PRRC2C: variants seen among roughly 807,000 people sequenced by gnomAD.
PRRC2C encodes proline rich coiled-coil 2C.
A neutral mutation model predicts 317.2 loss-of-function variants in PRRC2C; 72 were observed. The ratio of observed to expected loss-of-function variants is 0.23; its 90% CI spans 0.19 to 0.28. PRRC2C has a LOEUF of 0.28. Among genes scored for constraint, PRRC2C ranks in the 10% least tolerant of loss-of-function variants. PRRC2C has a pLI of 1.00. For missense variants in PRRC2C, 3,074 were observed against 3,459.7 expected (o/e 0.89, Z 2.80); for synonymous variants, 1,296 against 1,205.9 (o/e 1.07, Z -1.55).
rs142318394 is a variant in PRRC2C at position 171,541,886 on chromosome 1, C to G, written c.4420C>G (p.Leu1474Val). 320 of 1,613,712 alleles carry G rather than the reference C, an allele frequency of 2.0e-4. No individual in the cohort carries two copies. The highest frequency in any genetic ancestry group is 2.4e-4 in the Non-Finnish European group (283 of 1,179,806). The change falls in exon 16 of 35, where the codon CTT (leucine) becomes GTT (valine). Residue 1474 changes from leucine (L) to valine (V), a missense_variant. Physicochemically the swap from Leu to Val is conservative, Grantham distance 32. Coordinates refer to ENST00000647382, the MANE Select transcript of PRRC2C (RefSeq NM_001387844.1). The surrounding 1 kb of genome is among the most constrained non-coding windows in gnomAD (Gnocchi z 4.1). Reference sequence around the variant, plus strand: ...TGTGGCTCAAGAACCAGTTAATACTCTTGGGGATATTTCCGGGAATAAGAC... The same window carrying G: ...TGTGGCTCAAGAACCAGTTAATACTGTTGGGGATATTTCCGGGAATAAGAC... ...NNVAQEPVNT[L>V]GDISGNKTPD...
At chr1:171,537,174 TTAATA>T in intron 14 of PRRC2C, 84 bp from the exon 15 acceptor site, 2 of 1,006,646 alleles carry the variant, frequency 2.0e-6, no homozygotes. Context: ...CACCTAACAA[TTAATA>T]ACCTGTATTC....
intron 6 of PRRC2C, 139 bp downstream of exon 6, chr1:171,517,953 TG>T (rs80115932): frequency 0.49 from 335,221 of 686,400 alleles, 85,944 homozygotes; most frequent in East Asian, 0.65. Context: ...TTTTATTGTA[TG>T]GTATATTGTG....
At chr1:171,514,195 T>C (rs766029995) in intron 3 of PRRC2C, among the ~76,000 whole-genome samples, 2 of 152,168 alleles carry the variant, frequency 1.3e-5, no homozygotes, top group African/African-American at 2.4e-5. Context: ...CTGCTATTTT[T>C]AATTATAAGT....
At chr1:171,552,922 C>T (rs1680581354) in intron 18 of PRRC2C, among the ~76,000 whole-genome samples, 1 of 152,008 alleles carries the variant, frequency 6.6e-6, no homozygotes, top group African/African-American at 2.4e-5. Context: ...GTCTAAAATT[C>T]TCTATTTTCA....
chr1:171,499,165 A>T (rs1214115138), intron 1 of PRRC2C, among the ~76,000 whole-genome samples: 3 of 151,934 alleles, frequency 2.0e-5, no homozygotes, highest in Non-Finnish European at 4.4e-5. Flanking sequence ...ACATTCTCCC[A>T]TTTGCTTTTC....
Position 171,540,753 on chromosome 1 carries a change from C to G in PRRC2C, c.3287C>G (p.Thr1096Ser), listed in dbSNP as rs747853338. Residue 1096 changes from threonine (T) to serine (S), a missense_variant, in exon 16 of 35, where the codon ACT becomes AGT. Physicochemically the swap from Thr to Ser is moderately conservative, Grantham distance 58. Coordinates refer to ENST00000647382, the MANE Select transcript of PRRC2C (RefSeq NM_001387844.1). ...AAATTTCCTTCAACAGAAACTGCAA[C>G]TTTGGCTCAAAAACCATCTCAGGAT... Reference protein sequence around the residue: ...AEKFPSTETATLAQKPSQDTE... With the variant: ...AEKFPSTETASLAQKPSQDTE... 21 of 1,613,868 alleles carry G rather than the reference C, an allele frequency of 1.3e-5. No homozygotes were observed. Among genetic ancestry groups the G allele is most frequent in the Non-Finnish European group, 7.6e-6 (9 of 1,179,894 alleles).
intron 1 of PRRC2C, among the ~76,000 whole-genome samples, chr1:171,498,056 A>C (rs969765241): frequency 6.7e-6 from 1 of 148,416 alleles, no homozygotes; most frequent in South Asian, 2.1e-4. Context: ...TGAACTCCTG[A>C]GCTCAAGCCA....
intron 1 of PRRC2C, among the ~76,000 whole-genome samples, chr1:171,506,527 C>T (rs1020041176): frequency 6.6e-6 from 1 of 150,746 alleles, no homozygotes; most frequent in East Asian, 1.9e-4. Context: ...TTCACTTTCT[C>T]AAGCCCCTCT....
In PRRC2C at chr1:171,577,516, T is replaced by A; in HGVS notation, c.7038T>A (p.Pro2346=). ...SDPPNICKVK[P]QQLQTSSLPS... ...CTCCAAATATTTGTAAAGTGAAACC[T>A]CAGCAGTTACAGACAAGCAGCCTGC... Residue 2346 remains proline, a synonymous_variant, in exon 26 of 35, where the codon CCT becomes CCA. Coordinates refer to ENST00000647382, the MANE Select transcript of PRRC2C (RefSeq NM_001387844.1). 1 of 1,613,180 alleles carries A rather than the reference T, an allele frequency of 6.2e-7. No homozygotes were observed. Among genetic ancestry groups the A allele is most frequent in the African/African-American group, 1.3e-5 (1 of 75,024 alleles).
intron 28 of PRRC2C, 44 bp downstream of exon 28, chr1:171,580,008 T>G: frequency 7.1e-7 from 1 of 1,409,560 alleles, no homozygotes; most frequent in African/African-American, 1.5e-5. Flanking sequence ...TTGAAAACAT[T>G]GTAACTGCTG....
intron 1 of PRRC2C, among the ~76,000 whole-genome samples, chr1:171,487,083 G>A (rs1666262695): frequency 6.6e-6 from 1 of 152,152 alleles, no homozygotes; most frequent in Non-Finnish European, 1.5e-5. Flanking sequence ...TTAAGTGATT[G>A]TGTTTGCTCT....
intron 1 of PRRC2C, among the ~76,000 whole-genome samples, chr1:171,500,799 ACTT>A (rs1295734106): frequency 3.3e-5 from 5 of 152,054 alleles, no homozygotes; most frequent in South Asian, 2.1e-4. Context: ...TTCCTCCTAA[ACTT>A]CTTCTTTCAT....
chr1:171,585,252 A>T (rs932882136), intron 30 of PRRC2C, among the ~76,000 whole-genome samples: 2 of 152,184 alleles, frequency 1.3e-5, no homozygotes, highest in African/African-American at 4.8e-5. Context: ...TGCTAGGGAG[A>T]AGCCTCCCAA....
chr1:171,529,273 C>G (rs1413552602), intron 11 of PRRC2C, among the ~76,000 whole-genome samples: 2 of 152,106 alleles, frequency 1.3e-5, no homozygotes, highest in Non-Finnish European at 2.9e-5. Flanking sequence ...TGATGGCATT[C>G]AAATGTACAT....
intron 1 of PRRC2C, among the ~76,000 whole-genome samples, chr1:171,486,677 G>A (rs1475338992): frequency 2.0e-5 from 3 of 152,074 alleles, no homozygotes; most frequent in Non-Finnish European, 4.4e-5. Context: ...TTCATACCTC[G>A]TTAGAGTACT....
rs1374193862 is a variant in PRRC2C, at chr1:171,532,738, G to A, written c.1650G>A (p.Glu550=). The A allele has an allele frequency of 3.2e-6, 5 of 1,541,382 alleles. No homozygotes were observed. In the Admixed American group the frequency reaches 8.2e-5, roughly 25 times the overall value. Residue 550 remains glutamate, a synonymous_variant, in exon 12 of 35, where the codon GAG becomes GAA. Coordinates refer to ENST00000647382, the MANE Select transcript of PRRC2C (RefSeq NM_001387844.1). The part of the protein sequence containing the change: ...QQEKEKELEK[E]QEKQREMEKE... ...AAAAGGAGAAAGAGCTGGAGAAGGA[G>A]CAGGAAAAACAAAGAGAAATGGAGA...
At chr1:171,497,408 G>C (rs561013914) in intron 1 of PRRC2C, among the ~76,000 whole-genome samples, 71 of 152,256 alleles carry the variant, frequency 4.7e-4, no homozygotes, top group Non-Finnish European at 9.4e-4. Context: ...TTCTTCATTG[G>C]TAATTTTCAG....
chr1:171,576,962 T>C (rs1218368706), intron 25 of PRRC2C, among the ~76,000 whole-genome samples: 1 of 152,220 alleles, frequency 6.6e-6, no homozygotes. Context: ...AATCCAGCCT[T>C]AAGTTTATGT....
intron 1 of PRRC2C, among the ~76,000 whole-genome samples, chr1:171,489,017 T>C (rs1265584866): frequency 6.6e-6 from 1 of 152,242 alleles, no homozygotes; most frequent in Non-Finnish European, 1.5e-5. Context: ...GTAATTTTTC[T>C]GTTTTCTGTG....
Sources: gnomAD v4.1 joint callset for allele counts (sites outside exome capture counted in the v4.1 genomes callset) on GRCh38, gnomAD v4.1.1 for gene constraint, Gnocchi (gnomAD v3.1) non-coding constraint, MANE v1.5 for transcripts, NCBI Gene and HGNC (gene_info 2026-07-23, HGNC 2026-07-21) for gene names.